Variants in ANO2 observed in about 807,000 individuals in gnomAD.
The protein encoded by ANO2 is anoctamin-2.
A neutral mutation model predicts 124.2 loss-of-function variants in ANO2; 101 were observed. The observed-to-expected ratio is 0.81, with a 90% CI of 0.69 to 0.96. The LOEUF (loss-of-function observed/expected upper bound fraction) is 0.96, where lower values mean the gene tolerates loss of function less well. ANO2 is among the 40% of genes least tolerant of loss of function. ANO2 has a pLI of 0.00. For missense variants in ANO2, 1,293 were observed against 1,274.5 expected, an observed-to-expected ratio of 1.01 and a Z score of -0.22; for synonymous variants, 486 against 482.5, an observed-to-expected ratio of 1.01 and a Z score of -0.09.
intron 3 of ANO2, among the ~76,000 whole-genome samples, chr12:5,874,286 C>A (rs1937938972): frequency 6.6e-6 from 1 of 152,170 alleles, no homozygotes; most frequent in Non-Finnish European, 1.5e-5. Context: ...GGGAAGAGCA[C>A]CCTGGCTTAG....
intron 1 of ANO2, among the ~76,000 whole-genome samples, chr12:5,942,004 A>T (rs1305720603): frequency 6.6e-6 from 1 of 152,220 alleles, no homozygotes; most frequent in Non-Finnish European, 1.5e-5. Flanking sequence ...CACCTCTAAC[A>T]ATGCTACAGG....
intron 14 of ANO2, among the ~76,000 whole-genome samples, chr12:5,693,824 T>C (rs1472425753): frequency 6.6e-6 from 1 of 152,188 alleles, no homozygotes; most frequent in Non-Finnish European, 1.5e-5. Context: ...CACTGCCACA[T>C]GACCAGCTCC....
chr12:5,571,254 G>A (rs994044276), intron 23 of ANO2, among the ~76,000 whole-genome samples: 1 of 152,210 alleles, frequency 6.6e-6, no homozygotes, highest in Non-Finnish European at 1.5e-5. Flanking sequence ...CCTCCAGGAC[G>A]TGGCGGCCCT....
At chr12:5,807,184 G>A (rs2277403) in intron 8 of ANO2, 129 bp downstream of exon 8, 346,979 of 727,244 alleles carry the variant, frequency 0.48, 87,853 homozygotes, top group South Asian at 0.52. Context: ...GGTCAGTCAA[G>A]GTATTTTAAT....
intron 7 of ANO2, among the ~76,000 whole-genome samples, chr12:5,824,797 C>G (rs1204914821): frequency 6.6e-6 from 1 of 152,218 alleles, no homozygotes; most frequent in South Asian, 2.1e-4. Flanking sequence ...AAAGGACTTA[C>G]AGTTACACAT....
At chr12:5,586,531 T>C (rs952784668) in intron 20 of ANO2, among the ~76,000 whole-genome samples, 2 of 152,236 alleles carry the variant, frequency 1.3e-5, no homozygotes, top group Admixed American at 6.5e-5. Flanking sequence ...TCAGGTATTC[T>C]AGAAAATCTG....
intron 14 of ANO2, among the ~76,000 whole-genome samples, chr12:5,654,746 C>G (rs1330894963): frequency 6.6e-6 from 1 of 152,202 alleles, no homozygotes; most frequent in Non-Finnish European, 1.5e-5. Flanking sequence ...ATTTGGAACT[C>G]TTCACTTCCT....
chr12:5,670,951 C>T (rs144026057), intron 14 of ANO2, among the ~76,000 whole-genome samples: 5 of 152,306 alleles, frequency 3.3e-5, no homozygotes, highest in Admixed American at 6.5e-5. Flanking sequence ...GAGGTTTCCA[C>T]AGAATGTTAG....
At chr12:5,576,277 T>C (rs1320298141) in intron 22 of ANO2, among the ~76,000 whole-genome samples, 1 of 152,176 alleles carries the variant, frequency 6.6e-6, no homozygotes, top group Non-Finnish European at 1.5e-5. Flanking sequence ...ATTTGGACCA[T>C]TTGGTGCTGG....
intron 9 of ANO2, 54 bp downstream of exon 9, chr12:5,805,998 C>T: frequency 1.9e-6 from 3 of 1,573,144 alleles, no homozygotes; most frequent in Non-Finnish European, 2.6e-6. Flanking sequence ...ACTTCCACAC[C>T]CACCCGTAGT....
chr12:5,662,137 A>C (rs1947477307), intron 14 of ANO2, among the ~76,000 whole-genome samples: 1 of 152,258 alleles, frequency 6.6e-6, no homozygotes, highest in African/African-American at 2.4e-5. Context: ...GGGAGTAAGA[A>C]GGGCAAGAAC....
chr12:5,843,580 AAAC>A (rs1313919997), intron 4 of ANO2, among the ~76,000 whole-genome samples: 1 of 152,094 alleles, frequency 6.6e-6, no homozygotes, highest in Non-Finnish European at 1.5e-5. Context: ...TAAAATAAAT[AAAC>A]AACAACAAAC....
At chr12:5,924,623 C>A (rs1941993226) in intron 1 of ANO2, among the ~76,000 whole-genome samples, 1 of 152,222 alleles carries the variant, frequency 6.6e-6, no homozygotes, top group South Asian at 2.1e-4. Flanking sequence ...AAGACGCTGC[C>A]TTTCCTTTTG....
Position 5,737,202 on chromosome 12 carries a change from G to A in ANO2, c.1434+2115C>T, listed in dbSNP as rs532245815. Among the ~76,000 whole-genome samples the A allele has an allele frequency of 2.0e-4, 30 of 152,310 alleles. 1 individual carries two copies. The South Asian group carries it at 6.0e-3, about 31-fold the overall frequency. ...TGCACATGTGGGGCACGCCAGTCAC[G>A]TTACAGAACCAACCAGCCTTGCAGC... On this transcript the variant is annotated intron_variant, in intron 13 of 24. Transcript: ENST00000682330.
chr12:5,827,169 C>T (rs1953981042), intron 7 of ANO2, among the ~76,000 whole-genome samples: 1 of 152,172 alleles, frequency 6.6e-6, no homozygotes, highest in South Asian at 2.1e-4. Flanking sequence ...GGACTGCCTG[C>T]CTTATACTGC....
intron 16 of ANO2, among the ~76,000 whole-genome samples, chr12:5,629,616 G>A (rs188930177): frequency 7.2e-5 from 11 of 152,218 alleles, no homozygotes; most frequent in East Asian, 1.9e-4. Context: ...CCTAGGACCC[G>A]GACCCTTTCT....
chr12:5,585,993 C>A (rs930567287), intron 20 of ANO2, among the ~76,000 whole-genome samples: 8 of 152,198 alleles, frequency 5.3e-5, no homozygotes, highest in African/African-American at 1.9e-4. Context: ...TATGTTTGAG[C>A]AGTAACGTTT....
Position 5,612,776 on chromosome 12 carries a change from A to G in ANO2, c.1987-20T>C. 6.2e-7 allele frequency: 1 copy of G among 1,613,230 alleles called. No individual in the cohort carries two copies. The highest frequency in any genetic ancestry group is 8.5e-7 in the Non-Finnish European group (1 of 1,179,292). On this transcript the variant is annotated intron_variant, in intron 18 of 24. Transcript: ENST00000682330. ...AGCACACTGCAGGGAGAAGATAAGG[A>G]AAGGACCGGTTAGAACAAAAGGGAG...
At chr12:5,587,643 C>T (rs916217609) in intron 20 of ANO2, among the ~76,000 whole-genome samples, 6 of 152,082 alleles carry the variant, frequency 3.9e-5, no homozygotes, top group African/African-American at 7.2e-5. Context: ...GAGTGGGAGA[C>T]GATTCCTAAA....
Sources: allele counts gnomAD v4.1 joint callset (sites outside exome capture counted in the v4.1 genomes callset), GRCh38; gene constraint gnomAD v4.1.1; transcripts MANE v1.5; gene names NCBI Gene and HGNC (gene_info 2026-07-23, HGNC 2026-07-21).